Variants in NAA35 observed in about 807,000 individuals in gnomAD.
The protein encoded by NAA35 is MAK10 homolog, amino-acid N-acetyltransferase subunit.
Under a neutral mutation model 101.7 loss-of-function variants are expected in NAA35, and 18 were observed. The observed-to-expected ratio is 0.18, with a 90% CI of 0.12 to 0.26. NAA35 has a LOEUF of 0.26. Ranked by LOEUF, NAA35 falls within the 10% of genes least tolerant of loss-of-function variation. NAA35 has a pLI of 1.00. For synonymous variants in NAA35, 267 were observed against 273.1 expected, an observed-to-expected ratio of 0.98 and a Z score of 0.22; for missense variants, 601 against 886.8, an observed-to-expected ratio of 0.68 and a Z score of 4.09.
intron 2 of NAA35, among the ~76,000 whole-genome samples, chr9:85,950,052 T>C (rs1270524861): frequency 6.6e-6 from 1 of 152,180 alleles, no homozygotes; most frequent in African/African-American, 2.4e-5. Context: ...TTTGAAACAT[T>C]ATCTTTCTCA....
At chr9:86,007,913 C>T (rs1350033692) in intron 14 of NAA35, among the ~76,000 whole-genome samples, 1 of 152,066 alleles carries the variant, frequency 6.6e-6, no homozygotes, top group Admixed American at 6.5e-5. Flanking sequence ...GTATCTTTTT[C>T]CACTGAAAGA....
At chr9:85,987,826 C>T (rs1442103111) in intron 11 of NAA35, among the ~76,000 whole-genome samples, 1 of 152,094 alleles carries the variant, frequency 6.6e-6, no homozygotes, top group Admixed American at 6.5e-5. Context: ...ATAAGTAGAC[C>T]TGCAAAGGAC....
chr9:85,961,469 C>G (rs1829511625), intron 5 of NAA35, among the ~76,000 whole-genome samples: 1 of 152,140 alleles, frequency 6.6e-6, no homozygotes, highest in Admixed American at 6.6e-5. Flanking sequence ...TTCCCAACCT[C>G]TAGTACATGG....
At chr9:86,011,512 C>G (rs1045532275) in intron 15 of NAA35, among the ~76,000 whole-genome samples, 3 of 150,956 alleles carry the variant, frequency 2.0e-5, no homozygotes, top group African/African-American at 7.3e-5. Flanking sequence ...GCTCATGGCA[C>G]CACACCTGGT....
In NAA35 at chr9:86,025,068, A is replaced by C. The variant is rs891848366; in HGVS notation, c.*3108A>C. Among the ~76,000 whole-genome samples the C allele has an allele frequency of 3.3e-4, 50 of 152,298 alleles. No homozygotes were observed. The highest frequency in any genetic ancestry group is 1.2e-3 in the African/African-American group (50 of 41,566). On this transcript the variant is annotated 3_prime_UTR_variant, in exon 23 of 23. Transcript: ENST00000361671. ...GTGCCTGTTTCACCGTTTTGTTTGC[A>C]CAAGACTCTAAGACAGTATACTGCC...
chr9:86,009,429 G>A (rs1388183288), intron 14 of NAA35, among the ~76,000 whole-genome samples: 1 of 152,154 alleles, frequency 6.6e-6, no homozygotes, highest in Non-Finnish European at 1.5e-5. Flanking sequence ...GGGAGGTATA[G>A]GTGATTTATA....
chr9:85,955,360 A>ATATATTTT (rs749448250), intron 2 of NAA35, among the ~76,000 whole-genome samples: 11 of 53,934 alleles, frequency 2.0e-4, no homozygotes, highest in Non-Finnish European at 3.3e-4. Context: ...ATATATATAT[A>ATATATTTT]TTTTTTTTTT....
intron 2 of NAA35, among the ~76,000 whole-genome samples, chr9:85,955,360 A>ATATATATT (rs749448250): frequency 2.4e-4 from 13 of 53,936 alleles, no homozygotes; most frequent in South Asian, 1.3e-3. Flanking sequence ...ATATATATAT[A>ATATATATT]TTTTTTTTTT....
chr9:85,989,054 T>C (rs1830779960), intron 11 of NAA35, among the ~76,000 whole-genome samples: 1 of 152,224 alleles, frequency 6.6e-6, no homozygotes, highest in Non-Finnish European at 1.5e-5. Context: ...GATAAAGAAT[T>C]ATTAATAGTA....
chr9:85,996,476 A>G lies in NAA35; in HGVS notation c.955A>G (p.Ile319Val), dbSNP rs772643338. ...LPPTFPRYAKIIKREEMVNYF... is the reference protein window; with the variant it reads ...LPPTFPRYAKVIKREEMVNYF... Reference sequence around the variant, plus strand: ...ACCTACCTTCCCTCGATATGCAAAAATAATTAAAAGGGAAGAAATGGTGAA... The same window carrying G: ...ACCTACCTTCCCTCGATATGCAAAAGTAATTAAAAGGGAAGAAATGGTGAA... Residue 319 changes from isoleucine (I) to valine (V), a missense_variant, in exon 12 of 23, where the codon ATA becomes GTA. Transcript: ENST00000361671. The G allele has an allele frequency of 1.2e-6, 2 of 1,610,236 alleles. No individual in the cohort carries two copies. Among genetic ancestry groups the G allele is most frequent in the South Asian group, 2.2e-5 (2 of 90,284 alleles).
chr9:85,945,381 C>G (rs917899191), intron 2 of NAA35, among the ~76,000 whole-genome samples: 1 of 152,194 alleles, frequency 6.6e-6, no homozygotes, highest in Admixed American at 6.5e-5. Context: ...TTGGAATAAT[C>G]AGATTTGTAG....
chr9:85,983,447 A>G (rs1830517908), intron 11 of NAA35, among the ~76,000 whole-genome samples: 2 of 152,302 alleles, frequency 1.3e-5, no homozygotes, highest in South Asian at 4.1e-4. Flanking sequence ...CTGTATTCAC[A>G]GTGCTCTTAA....
rs1175688096 is a variant in NAA35 at position 86,017,350 on chromosome 9, T to G, written c.1706-148T>G. Reference sequence around the variant, plus strand: ...ATATTTTATTTGTAGATTTTGACCATAAATAAAATTTAACCTGTAGGAACA... The same window carrying G: ...ATATTTTATTTGTAGATTTTGACCAGAAATAAAATTTAACCTGTAGGAACA... On this transcript the variant is annotated intron_variant, in intron 18 of 22. Coordinates refer to ENST00000361671, the MANE Select transcript of NAA35 (RefSeq NM_024635.4). 6.3e-5 allele frequency: 36 copies of G among 574,872 alleles called. No individual in the cohort carries two copies. In the East Asian group the frequency reaches 9.8e-4, roughly 16 times the overall value. The allele number at this position is 574,872 out of a possible 1,614,324, so 35.6% of individuals were successfully genotyped here.
chr9:86,009,023 C>G (rs986848993), intron 14 of NAA35, among the ~76,000 whole-genome samples: 9 of 152,240 alleles, frequency 5.9e-5, no homozygotes, highest in Non-Finnish European at 8.8e-5. Context: ...GCTCTCTTAC[C>G]TATGCCTCAT....
intron 11 of NAA35, among the ~76,000 whole-genome samples, chr9:85,985,579 TGGG>T (rs913089363): frequency 6.6e-6 from 1 of 152,130 alleles, no homozygotes; most frequent in African/African-American, 2.4e-5. Context: ...TTCCTAGGAT[TGGG>T]GGAAGAATCA....
chr9:85,941,745 T>C (rs1828527385), intron 1 of NAA35: 1 of 989,422 alleles, frequency 1.0e-6, no homozygotes, highest in African/African-American at 1.7e-5. Context: ...GATGAAGGGC[T>C]ACCTTGATTG....
intron 6 of NAA35, among the ~76,000 whole-genome samples, chr9:85,968,648 G>C (rs1196049695): frequency 6.6e-6 from 1 of 150,676 alleles, no homozygotes; most frequent in Non-Finnish European, 1.5e-5. Context: ...TTTTTTTACT[G>C]TTCCATATTA....
At chr9:86,003,764 A>G in intron 13 of NAA35, 120 bp downstream of exon 13, 2 of 482,062 alleles carry the variant, frequency 4.1e-6, no homozygotes, top group Non-Finnish European at 6.9e-6. Flanking sequence ...AGTGTTGTGT[A>G]TTTTTTTTTT....
intron 21 of NAA35, among the ~76,000 whole-genome samples, chr9:86,020,596 C>A (rs1003292814): frequency 6.6e-6 from 1 of 152,146 alleles, no homozygotes; most frequent in South Asian, 2.1e-4. Context: ...ATAATCTCAA[C>A]ACTTTGGGAG....
Sources: gnomAD v4.1 joint callset for allele counts (sites outside exome capture counted in the v4.1 genomes callset) on GRCh38, gnomAD v4.1.1 for gene constraint, MANE v1.5 for transcripts, NCBI Gene and HGNC (gene_info 2026-07-23, HGNC 2026-07-21) for gene names.